RYR2: variants seen among roughly 807,000 people sequenced by gnomAD.
RYR2 encodes the protein cardiac muscle ryanodine receptor-calcium release channel.
RYR2 carries 227 observed loss-of-function variants against 601.1 expected under a neutral mutation model. That is an observed-to-expected ratio of 0.38 (90% CI 0.34 to 0.42). The LOEUF is 0.42. Among genes scored for constraint, RYR2 ranks in the 10% least tolerant of loss-of-function variants. The probability of loss-of-function intolerance (pLI) is 1.00; values close to 1 mark genes in which losing one functional copy is unlikely to be tolerated. For synonymous variants in RYR2, 2,223 were observed against 2,175.1 expected, an observed-to-expected ratio of 1.02 and a Z score of -0.61; for missense variants, 4,646 against 6,156.5, an observed-to-expected ratio of 0.75 and a Z score of 8.21.
At chr1:237,750,811 C>T (rs531630537) in intron 80 of RYR2, among the ~76,000 whole-genome samples, 1 of 152,232 alleles carries the variant, frequency 6.6e-6, no homozygotes, top group Admixed American at 6.5e-5. Flanking sequence ...TACCAAGTAT[C>T]TGGAAGAATT....
chr1:237,167,611 A>C (rs1253835677), intron 1 of RYR2, among the ~76,000 whole-genome samples: 1 of 152,214 alleles, frequency 6.6e-6, no homozygotes, highest in African/African-American at 2.4e-5. Context: ...TTCTTTAAAA[A>C]ATTTTTTTGG....
chr1:237,619,873 C>T (rs1049197358), intron 38 of RYR2, among the ~76,000 whole-genome samples: 16 of 151,876 alleles, frequency 1.1e-4, no homozygotes, highest in South Asian at 8.3e-4. Flanking sequence ...TCTTAAGGAA[C>T]GAAGGGGAAA....
rs878854151 is a variant in RYR2 at position 237,717,263 on chromosome 1, C to T, written c.10389C>T (p.Thr3463=). Residue 3463 remains threonine, a synonymous_variant, in exon 72 of 105, where the codon ACC becomes ACT. Coordinates refer to ENST00000366574, the MANE Select transcript of RYR2 (RefSeq NM_001035.3). Reference sequence around the variant, plus strand: ...AAGGAGATCGGTATTCCATGCAGACCTCTCTGATTGTAGCAGCTCTGAAGC... The same window carrying T: ...AAGGAGATCGGTATTCCATGCAGACTTCTCTGATTGTAGCAGCTCTGAAGC... ...KRKGDRYSMQ[T]SLIVAALKRL... is the part of the protein sequence containing the mutation. 2 of 1,613,536 alleles carry T rather than the reference C, an allele frequency of 1.2e-6. No individual in the cohort carries two copies. Among genetic ancestry groups the T allele is most frequent in the African/African-American group, 1.3e-5 (1 of 74,878 alleles).
At chr1:237,392,801 G>A (rs1483076735) in intron 10 of RYR2, among the ~76,000 whole-genome samples, 1 of 152,108 alleles carries the variant, frequency 6.6e-6, no homozygotes, top group African/African-American at 2.4e-5. Flanking sequence ...AGGAAACATT[G>A]TTTGAAAAGC....
chr1:237,094,409 A>G (rs901031837), intron 1 of RYR2, among the ~76,000 whole-genome samples: 4 of 152,202 alleles, frequency 2.6e-5, no homozygotes, highest in Non-Finnish European at 5.9e-5. Context: ...AGCAAAAACC[A>G]TAGTATCGTT....
chr1:237,386,296 T>C (rs1364203854), intron 8 of RYR2, among the ~76,000 whole-genome samples: 1 of 152,210 alleles, frequency 6.6e-6, no homozygotes, highest in African/African-American at 2.4e-5. Context: ...TGATGGTGAC[T>C]TGAGAATAGT....
At position 237,469,009 on chromosome 1, in the gene RYR2, A is replaced by G. The variant is rs931685097; in HGVS notation, c.1613-83A>G. The G allele has an allele frequency of 1.5e-5, 16 of 1,100,458 alleles. No individual in the cohort carries two copies. The African/African-American group carries it at 1.7e-4, about 12-fold the overall frequency. 68.2% of individuals were successfully genotyped at this position (1,100,458 alleles called of 1,614,324 possible). A position where few individuals can be genotyped will look rare whatever the true frequency, so the allele number is the denominator to read the frequency against. ...CAGAGGATATTTTGTTCTTGATCCA[A>G]TATTTTAGGGCTGCATATTAGCTTA... On this transcript the variant is annotated intron_variant, in intron 16 of 104. Transcript: ENST00000366574.
intron 1 of RYR2, among the ~76,000 whole-genome samples, chr1:237,082,583 A>G (rs968637182): frequency 3.4e-5 from 5 of 145,078 alleles, no homozygotes; most frequent in African/African-American, 1.0e-4. Flanking sequence ...TCAGAGAGTA[A>G]ACTGCCTCTT....
chr1:237,627,580 T>C (rs1679809133), intron 40 of RYR2, among the ~76,000 whole-genome samples: 1 of 152,226 alleles, frequency 6.6e-6, no homozygotes, highest in African/African-American at 2.4e-5. Flanking sequence ...TAAGAATGAT[T>C]TTTAAAGAAA....
intron 3 of RYR2, among the ~76,000 whole-genome samples, chr1:237,348,618 A>G (rs899647899): frequency 6.6e-6 from 1 of 152,206 alleles, no homozygotes; most frequent in Non-Finnish European, 1.5e-5. Context: ...TGCCAGCCGT[A>G]GGTACATCTT....
At chr1:237,686,269 T>C (rs1686383669) in intron 62 of RYR2, among the ~76,000 whole-genome samples, 3 of 152,270 alleles carry the variant, frequency 2.0e-5, no homozygotes, top group Middle Eastern at 3.4e-3. Context: ...TTTTCTGGGG[T>C]GAGTGCTGGC....
At chr1:237,221,487 A>G (rs1683796124) in intron 1 of RYR2, among the ~76,000 whole-genome samples, 1 of 152,256 alleles carries the variant, frequency 6.6e-6, no homozygotes, top group Non-Finnish European at 1.5e-5. Context: ...CTTTATAGAT[A>G]TGAAGATTAT....
intron 1 of RYR2, among the ~76,000 whole-genome samples, chr1:237,068,756 C>A (rs1663952325): frequency 6.6e-6 from 1 of 152,106 alleles, no homozygotes; most frequent in Admixed American, 6.5e-5. Context: ...TTACTTTGAG[C>A]TTTAAGTGGT....
At chr1:237,671,516 TGTGC>T (rs1360218529) in intron 58 of RYR2, among the ~76,000 whole-genome samples, 1 of 150,878 alleles carries the variant, frequency 6.6e-6, no homozygotes, top group Non-Finnish European at 1.5e-5. Flanking sequence ...TGTGTGTGTG[TGTGC>T]GTGTGTGTGT....
intron 1 of RYR2, among the ~76,000 whole-genome samples, chr1:237,222,458 T>C (rs566383958): frequency 1.3e-5 from 2 of 151,330 alleles, no homozygotes; most frequent in Non-Finnish European, 2.9e-5. Context: ...TGTTGGTGCA[T>C]ATTAAATGGG....
intron 20 of RYR2, among the ~76,000 whole-genome samples, chr1:237,497,701 T>G (rs1490764740): frequency 6.6e-6 from 1 of 152,134 alleles, no homozygotes; most frequent in Non-Finnish European, 1.5e-5. Flanking sequence ...AAATAAGAAA[T>G]AAGTTGAACT....
chr1:237,148,186 T>C (rs577602619), intron 1 of RYR2, among the ~76,000 whole-genome samples: 1 of 152,250 alleles, frequency 6.6e-6, no homozygotes, highest in South Asian at 2.1e-4. Context: ...AGATAGTTAA[T>C]AAAACAGCTT....
At chr1:237,170,566 C>T (rs1205002690) in intron 1 of RYR2, among the ~76,000 whole-genome samples, 1 of 152,182 alleles carries the variant, frequency 6.6e-6, no homozygotes, top group Non-Finnish European at 1.5e-5. Flanking sequence ...GTATGTATTT[C>T]ATTTCACTCT....
At chr1:237,082,855 C>G (rs1351184432) in intron 1 of RYR2, among the ~76,000 whole-genome samples, 6 of 152,104 alleles carry the variant, frequency 3.9e-5, no homozygotes, top group Admixed American at 3.3e-4. Context: ...GATCTCCTTG[C>G]TATTATATCG....
Sources: allele counts gnomAD v4.1 joint callset (sites outside exome capture counted in the v4.1 genomes callset), GRCh38; gene constraint gnomAD v4.1.1; transcripts MANE v1.5; gene names NCBI Gene and HGNC (gene_info 2026-07-23, HGNC 2026-07-21).